The following PLCB4 variants were observed in gnomAD, a reference collection of about 807,000 sequenced individuals.
PLCB4 encodes the protein phospholipase C beta 4.
A neutral mutation model predicts 178.8 loss-of-function variants in PLCB4; 77 were observed. That is an observed-to-expected ratio of 0.43 (90% CI 0.36 to 0.52). The LOEUF is 0.52. Among genes scored for constraint, PLCB4 ranks in the 20% least tolerant of loss-of-function variants. The pLI is 0.00. For missense variants in PLCB4, 1,024 were observed against 1,453.4 expected (o/e 0.70, Z 4.80); for synonymous variants, 496 against 490.8 (o/e 1.01, Z -0.14).
At chr20:9,381,827 A>G (rs889682299) in intron 13 of PLCB4, among the ~76,000 whole-genome samples, 1 of 152,200 alleles carries the variant, frequency 6.6e-6, no homozygotes, top group African/African-American at 2.4e-5. Context: ...TTTCACTTCT[A>G]GGTATGTACC....
In PLCB4 at chr20:9,230,899, A is replaced by G. The variant is rs182138804; in HGVS notation, c.-16+13447A>G. On this transcript the variant is annotated intron_variant, in intron 3 of 39. Coordinates refer to ENST00000378473, the MANE Select transcript of PLCB4 (RefSeq NM_001377142.1). ...GGCCAGCCCAGAGATTCAAGAGGTG[A>G]GGAAATAGACCTTTTTAGGTGATGG... is the stretch of plus-strand genomic sequence containing the variant. Among the ~76,000 whole-genome samples, 77 of 152,278 alleles carry G rather than the reference A, an allele frequency of 5.1e-4. No homozygotes were observed. In the East Asian group the frequency reaches 0.014, roughly 29 times the overall value.
intron 12 of PLCB4, among the ~76,000 whole-genome samples, chr20:9,375,735 A>T (rs1025548095): frequency 6.6e-6 from 1 of 152,184 alleles, no homozygotes; most frequent in Non-Finnish European, 1.5e-5. Flanking sequence ...TCATTTGCAG[A>T]TGTTGATTGT....
intron 30 of PLCB4, among the ~76,000 whole-genome samples, chr20:9,440,580 A>T (rs955468299): frequency 4.6e-5 from 7 of 152,222 alleles, no homozygotes; most frequent in Admixed American, 3.3e-4. Flanking sequence ...CTGGCATGGC[A>T]TCCTTTCCAC....
chr20:9,227,267 T>C (rs1265266571), intron 3 of PLCB4, among the ~76,000 whole-genome samples: 2 of 152,130 alleles, frequency 1.3e-5, no homozygotes, highest in Non-Finnish European at 2.9e-5. Context: ...GTCTTTTCAT[T>C]TTCTTGATAA....
intron 3 of PLCB4, among the ~76,000 whole-genome samples, chr20:9,259,767 A>G (rs1275959913): frequency 1.3e-5 from 2 of 152,140 alleles, no homozygotes; most frequent in Non-Finnish European, 2.9e-5. Context: ...ATAGGCTCTA[A>G]GTATAAAATA....
At chr20:9,449,809 A>G (rs894474730) in intron 32 of PLCB4, among the ~76,000 whole-genome samples, 6 of 152,100 alleles carry the variant, frequency 3.9e-5, no homozygotes, top group African/African-American at 1.2e-4. Flanking sequence ...CTGTTGTTAA[A>G]CTCATCAATT....
chr20:9,210,617 A>C (rs970049090), intron 2 of PLCB4, among the ~76,000 whole-genome samples: 3 of 152,198 alleles, frequency 2.0e-5, no homozygotes, highest in African/African-American at 7.2e-5. Flanking sequence ...CACATCATCC[A>C]AATTTCTAAG....
intron 2 of PLCB4, among the ~76,000 whole-genome samples, chr20:9,106,181 T>TA (rs1042645631): frequency 1.3e-4 from 19 of 151,886 alleles, no homozygotes; most frequent in Admixed American, 9.2e-4. Flanking sequence ...GTCAAACATA[T>TA]AAAAAGATGG....
chr20:9,414,341 A>G (rs1225380907), intron 25 of PLCB4, among the ~76,000 whole-genome samples: 4 of 152,208 alleles, frequency 2.6e-5, no homozygotes, highest in African/African-American at 9.6e-5. Flanking sequence ...CGTCACCTGC[A>G]TGCCTCTGTG....
intron 2 of PLCB4, among the ~76,000 whole-genome samples, chr20:9,151,267 A>AT (rs1371274717): frequency 2.0e-5 from 3 of 152,170 alleles, no homozygotes; most frequent in Admixed American, 1.3e-4. Flanking sequence ...ATATTATGCC[A>AT]TTTTATATAA....
At chr20:9,271,797 G>A (rs1010642717) in intron 3 of PLCB4, among the ~76,000 whole-genome samples, 4 of 152,030 alleles carry the variant, frequency 2.6e-5, no homozygotes, top group African/African-American at 7.2e-5. Context: ...GAAGTCACAC[G>A]TAACATCAGA....
At chr20:9,419,657 G>A (rs1602551716) in intron 25 of PLCB4, 150 bp from the exon 26 acceptor site, 3 of 631,978 alleles carry the variant, frequency 4.7e-6, no homozygotes, top group Non-Finnish European at 5.7e-6. Flanking sequence ...ATAAGGGCGG[G>A]CACATTCTCT....
chr20:9,337,904 A>G (rs2032681032), intron 5 of PLCB4, 104 bp from the exon 6 acceptor site: 4 of 725,928 alleles, frequency 5.5e-6, no homozygotes, highest in Non-Finnish European at 7.6e-6. Context: ...GCTGACTGTA[A>G]TCAGCACTGC....
intron 3 of PLCB4, among the ~76,000 whole-genome samples, chr20:9,242,626 A>T (rs1056277174): frequency 2.0e-5 from 3 of 152,236 alleles, no homozygotes; most frequent in African/African-American, 7.2e-5. Flanking sequence ...TGAGACTCTC[A>T]TGCCCTTCTC....
At chr20:9,123,138 A>G (rs2092012781) in intron 2 of PLCB4, among the ~76,000 whole-genome samples, 1 of 152,210 alleles carries the variant, frequency 6.6e-6, no homozygotes, top group African/African-American at 2.4e-5. Context: ...AATTAATTTC[A>G]GCTGACATGT....
At chr20:9,326,118 G>A (rs2030503565) in intron 4 of PLCB4, among the ~76,000 whole-genome samples, 1 of 152,152 alleles carries the variant, frequency 6.6e-6, no homozygotes, top group Admixed American at 6.5e-5. Flanking sequence ...TCACATTTGG[G>A]ATTAGGATTT....
intron 2 of PLCB4, among the ~76,000 whole-genome samples, chr20:9,144,761 A>G (rs188658401): frequency 1.4e-4 from 7 of 51,522 alleles, no homozygotes; most frequent in Admixed American, 2.3e-4. Flanking sequence ...GAAGGAGGGG[A>G]AGGAGGGGAA....
chr20:9,374,016 GAAA>G (rs1174191109), intron 12 of PLCB4, among the ~76,000 whole-genome samples: 8 of 152,080 alleles, frequency 5.3e-5, no homozygotes, highest in African/African-American at 1.9e-4. Flanking sequence ...GAAAATGCAA[GAAA>G]AGATGGTATC....
At chr20:9,343,320 A>G (rs137957575) in intron 7 of PLCB4, among the ~76,000 whole-genome samples, 1 of 152,348 alleles carries the variant, frequency 6.6e-6, no homozygotes, top group East Asian at 1.9e-4. Context: ...TTTTATACCA[A>G]GGACCATGTT....
Sources: allele counts gnomAD v4.1 joint callset (sites outside exome capture counted in the v4.1 genomes callset), GRCh38; gene constraint gnomAD v4.1.1; transcripts MANE v1.5; gene names NCBI Gene and HGNC (gene_info 2026-07-23, HGNC 2026-07-21).